TERF1: variants seen among roughly 807,000 people sequenced by gnomAD.
TERF1 encodes the protein telomeric repeat binding factor 1.
A neutral mutation model predicts 55.1 loss-of-function variants in TERF1; 20 were observed. The observed-to-expected ratio is 0.36, with a 90% CI of 0.26 to 0.53. The LOEUF (loss-of-function observed/expected upper bound fraction) is 0.53. TERF1 is among the 20% of genes least tolerant of loss of function. TERF1 has a pLI of 0.91. For missense variants in TERF1, 439 were observed against 535.7 expected, an observed-to-expected ratio of 0.82 and a Z score of 1.78; for synonymous variants, 168 against 181.2, an observed-to-expected ratio of 0.93 and a Z score of 0.59.
rs1163425749 is a variant in TERF1, at chr8:73,012,708, C to G, written c.320-1187C>G. The G allele has an allele frequency of 5.8e-5, 15 of 259,646 alleles. 1 individual carries two copies. Among genetic ancestry groups the G allele is most frequent in the Non-Finnish European group, 1.1e-4 (14 of 126,670 alleles). The allele number at this position is 259,646 out of a possible 1,614,324, so 16.1% of individuals were successfully genotyped here. ...AAGGTGCCGTTAGACTTGGCTCAAG[C>G]TGGGCTGCGGTAAACTTTCAATTTG... On this transcript the variant is annotated intron_variant, in intron 1 of 9. Coordinates refer to ENST00000276603, the MANE Select transcript of TERF1 (RefSeq NM_017489.3).
chr8:73,030,380 C>T lies in TERF1; in HGVS notation c.932C>T (p.Thr311Ile), dbSNP rs752919794. The change falls in exon 7 of 10, where the codon ACA becomes ATA. Residue 311 changes from threonine to isoleucine, a missense_variant. Coordinates refer to ENST00000276603, the MANE Select transcript of TERF1 (RefSeq NM_017489.3). Reference protein sequence around the residue: ...QSAVTESSEGTVSLLRSHKNL... With the variant: ...QSAVTESSEGIVSLLRSHKNL... ...GCGGTAACTGAATCCTCAGAGGGTA[C>T]AGTATCCTTATTGAGGTGAAGTAAA... 10 of 1,514,344 alleles carry T rather than the reference C, an allele frequency of 6.6e-6. No individual in the cohort carries two copies. The East Asian group carries it at 2.0e-4, about 30-fold the overall frequency. The allele number at this position is 1,514,344 out of a possible 1,614,324, so 93.8% of individuals were successfully genotyped here.
chr8:73,031,962 T>TG (rs2129842330), intron 7 of TERF1, 80 bp from the exon 8 acceptor site: 1 of 967,808 alleles, frequency 1.0e-6, no homozygotes, highest in African/African-American at 1.6e-5. Context: ...CTAGAACAGA[T>TG]TAAGGCAAAT....
At chr8:73,038,299 A>T (rs185753965) in intron 8 of TERF1, among the ~76,000 whole-genome samples, 4,229 of 130,852 alleles carry the variant, frequency 0.032, 182 homozygotes, top group African/African-American at 0.1. Context: ...AAAAAATTTT[A>T]AAAAATTAGT....
chr8:73,040,334 G>C (rs1300225695), intron 9 of TERF1, among the ~76,000 whole-genome samples: 1 of 152,146 alleles, frequency 6.6e-6, no homozygotes, highest in Non-Finnish European at 1.5e-5. Flanking sequence ...GAGATCTGTA[G>C]ACAGAGTTGC....
chr8:73,013,916 G>A lies in TERF1; in HGVS notation c.341G>A (p.Ser114Asn), dbSNP rs1808381743. Reference sequence around the variant, plus strand: ...TTAGCTATTATTCATGGACTATCCAGTCTAACAGCTTGCCAGTTGAGAACG... The same window carrying A: ...TTAGCTATTATTCATGGACTATCCAATCTAACAGCTTGCCAGTTGAGAACG... The part of the protein sequence containing the change: ...SAEAIIHGLS[S>N]LTACQLRTIY... The change falls in exon 2 of 10, where the codon AGT becomes AAT. Residue 114 changes from serine (S) to asparagine (N), a missense_variant. This residue lies in a region of TERF1 where 95 missense variants were observed against 167.2 expected (regional missense o/e 0.57). Transcript: ENST00000276603. 6.2e-7 allele frequency: 1 copy of A among 1,610,776 alleles called. No homozygotes were observed. The highest frequency in any genetic ancestry group is 2.2e-5 in the East Asian group (1 of 44,822).
At chr8:73,021,631 A>T (rs893028557) in intron 3 of TERF1, among the ~76,000 whole-genome samples, 2 of 152,250 alleles carry the variant, frequency 1.3e-5, no homozygotes, top group East Asian at 3.9e-4. Flanking sequence ...TGTTTCCACC[A>T]TTTTACATAT....
chr8:73,020,162 T>C (rs1378759855), intron 2 of TERF1, among the ~76,000 whole-genome samples: 2 of 152,212 alleles, frequency 1.3e-5, no homozygotes, highest in Admixed American at 6.5e-5. Flanking sequence ...AATGTCCGAA[T>C]GGGTTGTTGC....
At chr8:73,038,689 G>A (rs1039591330) in intron 8 of TERF1, 1 of 773,688 alleles carries the variant, frequency 1.3e-6, no homozygotes, top group Non-Finnish European at 1.6e-6. Flanking sequence ...AGTAATTACA[G>A]TTCTGTTTCT....
chr8:73,010,895 CTCT>C (rs1238186205), intron 1 of TERF1: 1 of 152,134 alleles, frequency 6.6e-6, no homozygotes, highest in Non-Finnish European at 1.5e-5. Context: ...TCCCTCAGAG[CTCT>C]TGAGTGGTTA....
At position 73,009,156 on chromosome 8, in the gene TERF1, C is replaced by CCGCGA. The variant is rs1476505535; in HGVS notation, c.273_277dup (p.Gly93AlafsTer25). 1 of 1,611,202 alleles carries CCGCGA rather than the reference C, an allele frequency of 6.2e-7. No individual in the cohort carries two copies. Among genetic ancestry groups the CCGCGA allele is most frequent in the African/African-American group, 1.3e-5 (1 of 75,014 alleles). On this transcript the variant is annotated frameshift_variant, in exon 1 of 10. Coordinates refer to ENST00000276603, the MANE Select transcript of TERF1 (RefSeq NM_017489.3). LOFTEE classifies it high-confidence loss of function. ...TCTGCCTCTCTCTTTGCCGAGCTTT[C>CCGCGA]CGCGACGGCCGCTCCGAGGACTTCC...
At chr8:73,040,688 T>C (rs1401979289) in intron 9 of TERF1, among the ~76,000 whole-genome samples, 1 of 152,198 alleles carries the variant, frequency 6.6e-6, no homozygotes, top group Non-Finnish European at 1.5e-5. Context: ...TTCAAATCTT[T>C]CTTTTGTTCC....
At chr8:73,012,741 C>A (rs1232023188) in intron 1 of TERF1, 1 of 259,466 alleles carries the variant, frequency 3.9e-6, no homozygotes, top group Non-Finnish European at 7.9e-6. Flanking sequence ...TTGTAAAAAA[C>A]ATGCAATCTG....
At position 73,008,978 on chromosome 8, in the gene TERF1, CAG is replaced by C. The variant is rs1373434696; in HGVS notation, c.98_99del (p.Arg33LysfsTer106). 2 of 1,612,790 alleles carry C rather than the reference CAG, an allele frequency of 1.2e-6. No homozygotes were observed. The highest frequency in any genetic ancestry group is 1.7e-5 in the Admixed American group (1 of 59,948). On this transcript the variant is annotated frameshift_variant, in exon 1 of 10. Coordinates refer to ENST00000276603, the MANE Select transcript of TERF1 (RefSeq NM_017489.3). LOFTEE classifies it high-confidence loss of function. ...CCTACTGAGGAGCAGATGGCAGAAA[CAG>C]AGAGAAACGACGAGGAGCAGTTCGA...
chr8:73,016,597 A>AT (rs753874228), intron 2 of TERF1, among the ~76,000 whole-genome samples: 63 of 151,734 alleles, frequency 4.2e-4, no homozygotes, highest in Admixed American at 1.2e-3. Flanking sequence ...GGCCCAGTTA[A>AT]TTTTTTAATT....
At chr8:73,035,885 G>A (rs1280110339) in intron 8 of TERF1, among the ~76,000 whole-genome samples, 2 of 152,092 alleles carry the variant, frequency 1.3e-5, no homozygotes, top group African/African-American at 4.8e-5. Flanking sequence ...TGGTGTTTTG[G>A]TGTTCCATAT....
intron 8 of TERF1, among the ~76,000 whole-genome samples, chr8:73,035,797 T>C (rs1809483814): frequency 6.6e-6 from 1 of 152,216 alleles, no homozygotes; most frequent in Non-Finnish European, 1.5e-5. Flanking sequence ...AGTATATATG[T>C]CAAAATCCCA....
At chr8:73,010,050 C>T (rs1296345661) in intron 1 of TERF1, 3 of 152,130 alleles carry the variant, frequency 2.0e-5, no homozygotes, top group Non-Finnish European at 4.4e-5. Flanking sequence ...TATGAGCCAC[C>T]GCGCCTGGCC....
intron 2 of TERF1, among the ~76,000 whole-genome samples, chr8:73,019,450 A>G (rs907794128): frequency 6.6e-6 from 1 of 152,166 alleles, no homozygotes; most frequent in African/African-American, 2.4e-5. Flanking sequence ...GTTCTATTCT[A>G]CATTCAAAAT....
In TERF1 at chr8:73,030,391, T is replaced by C. The variant is rs764212680; in HGVS notation, c.943T>C (p.Leu315=). The change falls in exon 7 of 10, where the codon TTG becomes CTG. Residue 315 remains leucine, a synonymous_variant. Transcript: ENST00000276603. ...TESSEGTVSL[L]RSHKNLFLSK... is the part of the protein sequence containing the mutation. ...ATCCTCAGAGGGTACAGTATCCTTA[T>C]TGAGGTGAAGTAAATTGACGTTTTT... 3 of 1,500,188 alleles carry C rather than the reference T, an allele frequency of 2.0e-6. No homozygotes were observed. In the Admixed American group the frequency reaches 8.0e-5, roughly 40 times the overall value. The allele number at this position is 1,500,188 out of a possible 1,614,324, so 92.9% of individuals were successfully genotyped here.
Sources: allele counts gnomAD v4.1 joint callset (sites outside exome capture counted in the v4.1 genomes callset), GRCh38; gene constraint gnomAD v4.1.1; regional missense constraint gnomAD v4.1.1; transcripts MANE v1.5; gene names NCBI Gene and HGNC (gene_info 2026-07-23, HGNC 2026-07-21).